The following TUBGCP3 variants were observed in gnomAD, a reference collection of about 807,000 sequenced individuals.
TUBGCP3 encodes gamma-tubulin complex component 3.
A neutral mutation model predicts 123.1 loss-of-function variants in TUBGCP3; 50 were observed. That is an observed-to-expected ratio of 0.41 (90% CI 0.32 to 0.51). The LOEUF is 0.51. Ranked by LOEUF, TUBGCP3 falls within the 20% of genes least tolerant of loss-of-function variation. The probability of loss-of-function intolerance (pLI) is 0.36; values close to 1 mark genes in which losing one functional copy is unlikely to be tolerated. For missense variants in TUBGCP3, 882 were observed against 1,127.0 expected, an observed-to-expected ratio of 0.78 and a Z score of 3.11; for synonymous variants, 405 against 413.9, an observed-to-expected ratio of 0.98 and a Z score of 0.26.
At chr13:112,562,075 A>C (rs1281455560) in intron 3 of TUBGCP3, among the ~76,000 whole-genome samples, 1 of 144,404 alleles carries the variant, frequency 6.9e-6, no homozygotes, top group Non-Finnish European at 1.5e-5. Context: ...AGCCAGGAGC[A>C]ACTATGGGAA....
rs1881461228 is a variant in TUBGCP3 at position 112,508,644 on chromosome 13, G to A, written c.2087-3930C>T. The stretch of plus-strand genomic sequence containing the variant: ...TAGTCTAGATCTATCTTAAGTTTAA[G>A]ATCAGTCTGATTAATGGCCTCACAA... On this transcript the variant is annotated intron_variant, in intron 17 of 21. Transcript: ENST00000261965. This position sits in a 1 kb window ranked among gnomAD's most constrained non-coding sequence, Gnocchi z 4.2. Among the ~76,000 whole-genome samples, 1 of 152,090 alleles carries A rather than the reference G, an allele frequency of 6.6e-6. No individual in the cohort carries two copies. Among genetic ancestry groups the A allele is most frequent in the African/African-American group, 2.4e-5 (1 of 41,398 alleles).
chr13:112,524,306 T>C lies in TUBGCP3; in HGVS notation c.1556-1797A>G, dbSNP rs780378701. Among the ~76,000 whole-genome samples, 3 of 152,362 alleles carry C rather than the reference T, an allele frequency of 2.0e-5. No individual in the cohort carries two copies. The highest frequency in any genetic ancestry group is 2.0e-4 in the Admixed American group (3 of 15,308). On this transcript the variant is annotated intron_variant, in intron 13 of 21. Coordinates refer to ENST00000261965, the MANE Select transcript of TUBGCP3 (RefSeq NM_006322.6). The surrounding 1 kb of genome is among the most constrained non-coding windows in gnomAD (Gnocchi z 4.4). ...AGTGGCTGCCTTTTTTTAAGTGTTT[T>C]TGATCCTCAGTTGATTGAATCTGCA...
intron 17 of TUBGCP3, among the ~76,000 whole-genome samples, chr13:112,513,225 C>T (rs1881788184): frequency 6.6e-6 from 1 of 152,142 alleles, no homozygotes; most frequent in Non-Finnish European, 1.5e-5. Flanking sequence ...AATTTAGTTT[C>T]CAGTAGTAGA....
intron 3 of TUBGCP3, 52 bp from the exon 4 acceptor site, chr13:112,559,451 C>T (rs935533191): frequency 7.2e-7 from 1 of 1,392,370 alleles, no homozygotes; most frequent in South Asian, 1.3e-5. Context: ...TACTCTCCAG[C>T]CTTATTTTCC....
intron 11 of TUBGCP3, among the ~76,000 whole-genome samples, chr13:112,541,505 G>A (rs998444197): frequency 1.9e-4 from 28 of 144,634 alleles, no homozygotes; most frequent in African/African-American, 6.3e-4. Flanking sequence ...TGATACCACT[G>A]CATTCCAGCC....
chr13:112,570,387 G>C (rs565723638), intron 1 of TUBGCP3, among the ~76,000 whole-genome samples: 1 of 152,172 alleles, frequency 6.6e-6, no homozygotes, highest in South Asian at 2.1e-4. Context: ...CCATATTAAA[G>C]AAAATATCAC....
intron 11 of TUBGCP3, among the ~76,000 whole-genome samples, chr13:112,530,954 CTG>C (rs1382146666): frequency 6.6e-6 from 1 of 152,158 alleles, no homozygotes; most frequent in Non-Finnish European, 1.5e-5. Flanking sequence ...AAAAAAAACA[CTG>C]TTTAATAAAA....
At chr13:112,500,116 A>C (rs773829532) in intron 19 of TUBGCP3, among the ~76,000 whole-genome samples, 5 of 152,146 alleles carry the variant, frequency 3.3e-5, no homozygotes, top group Non-Finnish European at 7.4e-5. Flanking sequence ...GACTGAAGAG[A>C]AAGGTTAACT....
At chr13:112,488,908 C>A (rs913452) in intron 21 of TUBGCP3, among the ~76,000 whole-genome samples, 29 of 73,892 alleles carry the variant, frequency 3.9e-4, no homozygotes, top group East Asian at 1.4e-3. Context: ...CCCCCAGGTC[C>A]CCACACCCAC....
intron 11 of TUBGCP3, among the ~76,000 whole-genome samples, chr13:112,533,093 G>A (rs1342611719): frequency 6.6e-6 from 1 of 152,216 alleles, no homozygotes; most frequent in Non-Finnish European, 1.5e-5. Context: ...CTTCCAGGAA[G>A]GAAGACAGGA....
chr13:112,532,886 A>G (rs1877702675), intron 11 of TUBGCP3, among the ~76,000 whole-genome samples: 2 of 152,276 alleles, frequency 1.3e-5, no homozygotes, highest in African/African-American at 4.8e-5. Flanking sequence ...AAAGGTCTAT[A>G]TCCTTTTTAT....
intron 16 of TUBGCP3, among the ~76,000 whole-genome samples, chr13:112,518,246 C>T (rs905105819): frequency 8.5e-5 from 13 of 152,102 alleles, no homozygotes; most frequent in African/African-American, 2.7e-4. Flanking sequence ...GGCGGGAAAA[C>T]AGCACGAAGC....
At chr13:112,495,409 T>C (rs1455864625) in intron 20 of TUBGCP3, among the ~76,000 whole-genome samples, 1 of 152,224 alleles carries the variant, frequency 6.6e-6, no homozygotes, top group Non-Finnish European at 1.5e-5. Context: ...GTGCTTCCAA[T>C]ATTTCACCCC....
At chr13:112,592,793 C>T (rs1308050919), upstream of TUBGCP3, among the ~76,000 whole-genome samples, 1 of 152,182 alleles carries the variant, frequency 6.6e-6, no homozygotes, top group East Asian at 1.9e-4. This position sits in a 1 kb window ranked among gnomAD's most constrained non-coding sequence, Gnocchi z 4.1. Context: ...TTCCCCGCAA[C>T]AGCCTTCAGA....
Position 112,578,342 on chromosome 13 carries a change from G to A in TUBGCP3, c.77-9083C>T, listed in dbSNP as rs970503058. 4.8e-4 allele frequency among the ~76,000 whole-genome samples: 72 copies of A among 151,286 alleles called. 1 individual carries two copies. Among genetic ancestry groups the A allele is most frequent in the Non-Finnish European group, 1.0e-4 (7 of 67,862 alleles). On this transcript the variant is annotated intron_variant, in intron 1 of 21. Transcript: ENST00000261965. ...TGGGAGGCCGAGGCGGGCGGATCACGAGGTCAGGAGATCGAGACCATCCTG... is the reference window on the plus strand; with the variant it reads ...TGGGAGGCCGAGGCGGGCGGATCACAAGGTCAGGAGATCGAGACCATCCTG...
rs762337478 is a variant in TUBGCP3, at chr13:112,511,264, C to T, written c.2086+5176G>A. The stretch of plus-strand genomic sequence containing the variant: ...CCCCTCACAGGGCACTGCTGGCCCG[C>T]GGGCACCTGCCTTTCCTGGTAAGAT... On this transcript the variant is annotated intron_variant, in intron 17 of 21. Transcript: ENST00000261965. This position sits in a 1 kb window ranked among gnomAD's most constrained non-coding sequence, Gnocchi z 4.1. Among the ~76,000 whole-genome samples, 39 of 152,310 alleles carry T rather than the reference C, an allele frequency of 2.6e-4. No individual in the cohort carries two copies. Among genetic ancestry groups the T allele is most frequent in the Middle Eastern group, 3.4e-3 (1 of 294 alleles).
Position 112,548,177 on chromosome 13 carries a change from C to A in TUBGCP3, c.967-1G>T. 6.2e-7 allele frequency: 1 copy of A among 1,600,332 alleles called. No individual in the cohort carries two copies. The highest frequency in any genetic ancestry group is 1.1e-5 in the South Asian group (1 of 87,988). On this transcript the variant is annotated splice_acceptor_variant, in intron 8 of 21. Coordinates refer to ENST00000261965, the MANE Select transcript of TUBGCP3 (RefSeq NM_006322.6). LOFTEE classifies it high-confidence loss of function. ...CCTGGTGCAAGGCAGCACAAAAGCT[C>A]TGTTTGGAGGAGAAATATAATTAAA... is the stretch of plus-strand genomic sequence containing the variant.
At chr13:112,567,314 T>C (rs1462200789) in intron 2 of TUBGCP3, among the ~76,000 whole-genome samples, 1 of 152,242 alleles carries the variant, frequency 6.6e-6, no homozygotes, top group East Asian at 1.9e-4. Flanking sequence ...GTCAGTTCTT[T>C]GAGTTTAAAC....
intron 10 of TUBGCP3, chr13:112,547,221 G>C (rs1440465648): frequency 2.5e-6 from 1 of 392,642 alleles, no homozygotes; most frequent in East Asian, 3.6e-5. Context: ...GCGACCAAGG[G>C]AGCAGCAAGC....
Sources: gnomAD v4.1 joint callset for allele counts (sites outside exome capture counted in the v4.1 genomes callset) on GRCh38, gnomAD v4.1.1 for gene constraint, Gnocchi (gnomAD v3.1) non-coding constraint, MANE v1.5 for transcripts, NCBI Gene and HGNC (gene_info 2026-07-23, HGNC 2026-07-21) for gene names.